Variants in CTNNA2 observed in about 807,000 individuals in gnomAD.
CTNNA2 encodes the protein catenin alpha 2, also known as catenin alpha-2.
Under a neutral mutation model 101.0 loss-of-function variants are expected in CTNNA2, and 42 were observed. That is an observed-to-expected ratio of 0.42 (90% CI 0.32 to 0.54). CTNNA2 has a LOEUF of 0.54. Ranked by LOEUF, CTNNA2 falls within the 20% of genes least tolerant of loss-of-function variation. The pLI is 0.14. For synonymous variants in CTNNA2, 450 were observed against 456.4 expected (o/e 0.99, Z 0.18); for missense variants, 871 against 1,223.1 (o/e 0.71, Z 4.29).
At chr2:79,688,456 A>G (rs1290278090) in intron 2 of CTNNA2, among the ~76,000 whole-genome samples, 1 of 152,004 alleles carries the variant, frequency 6.6e-6, no homozygotes, top group African/African-American at 2.4e-5. Context: ...AACTTTTGGA[A>G]ATTAAAAATA....
chr2:79,588,110 C>T (rs187499673), intron 1 of CTNNA2, among the ~76,000 whole-genome samples: 2 of 152,284 alleles, frequency 1.3e-5, no homozygotes, highest in Admixed American at 6.5e-5. Flanking sequence ...CTAAGATGAA[C>T]ATATTCACAC....
chr2:79,661,613 T>C (rs948853469), intron 2 of CTNNA2, among the ~76,000 whole-genome samples: 2 of 152,214 alleles, frequency 1.3e-5, no homozygotes, highest in African/African-American at 4.8e-5. Context: ...TCTAAGATGC[T>C]GGACTAGATT....
chr2:80,626,443 G>A (rs1346611231), intron 18 of CTNNA2, among the ~76,000 whole-genome samples: 1 of 152,000 alleles, frequency 6.6e-6, no homozygotes, highest in African/African-American at 2.4e-5. Flanking sequence ...CTCTAAGGAG[G>A]CTTCCTGGAA....
chr2:79,981,700 C>T (rs994537246), intron 7 of CTNNA2, among the ~76,000 whole-genome samples: 1 of 152,058 alleles, frequency 6.6e-6, no homozygotes, highest in African/African-American at 2.4e-5. Flanking sequence ...GCAATTTTAT[C>T]GAGCAAAAGC....
At chr2:79,634,659 C>T (rs186689315) in intron 1 of CTNNA2, 4 of 152,214 alleles carry the variant, frequency 2.6e-5, no homozygotes, top group African/African-American at 9.6e-5. Context: ...CTGAACAGGT[C>T]AAGAAGTGAT....
intron 3 of CTNNA2, among the ~76,000 whole-genome samples, chr2:79,833,129 T>C (rs1679053632): frequency 1.3e-5 from 2 of 152,194 alleles, no homozygotes; most frequent in East Asian, 1.9e-4. Context: ...ATTTTGAGAA[T>C]TTCCTCAAAA....
intron 3 of CTNNA2, among the ~76,000 whole-genome samples, chr2:79,776,772 C>G (rs954795024): frequency 6.6e-6 from 1 of 152,060 alleles, no homozygotes; most frequent in African/African-American, 2.4e-5. Flanking sequence ...AATTATGGAG[C>G]CTAGGAGATA....
At chr2:80,220,234 T>TG (rs1204352113) in intron 7 of CTNNA2, among the ~76,000 whole-genome samples, 4 of 152,216 alleles carry the variant, frequency 2.6e-5, no homozygotes. Context: ...GCTTGATACT[T>TG]GGAAAGAAGC....
chr2:80,259,486 T>C (rs1342250862), intron 7 of CTNNA2, among the ~76,000 whole-genome samples: 3 of 152,180 alleles, frequency 2.0e-5, no homozygotes. Flanking sequence ...TAGTGAGCTG[T>C]CATATATCCC....
Position 80,647,991 on chromosome 2 carries a change from G to T in CTNNA2, c.*119G>T, listed in dbSNP as rs751033802. 1 of 926,356 alleles carries T rather than the reference G, an allele frequency of 1.1e-6. No individual in the cohort carries two copies. 57.4% of individuals were successfully genotyped at this position (926,356 alleles called of 1,614,324 possible). On this transcript the variant is annotated 3_prime_UTR_variant, in exon 19 of 19. Coordinates refer to ENST00000402739, the MANE Select transcript of CTNNA2 (RefSeq NM_001282597.3). ...TGCCTCTGGCATGGGGAAATTAAGG[G>T]AACAGTGTCTGTTTGCATGTAAGAT...
At chr2:80,419,674 A>T in intron 9 of CTNNA2, 73 bp downstream of exon 9, 1 of 1,425,438 alleles carries the variant, frequency 7.0e-7, no homozygotes, top group Non-Finnish European at 9.6e-7. Flanking sequence ...TTAGAATTTC[A>T]CTAGAGAGAT....
intron 7 of CTNNA2, among the ~76,000 whole-genome samples, chr2:80,386,563 A>T (rs2149356925): frequency 6.6e-6 from 1 of 152,296 alleles, no homozygotes; most frequent in East Asian, 1.9e-4. Context: ...TTGGATCAAT[A>T]GATAATTTTT....
intron 1 of CTNNA2, among the ~76,000 whole-genome samples, chr2:79,600,234 G>C (rs898147690): frequency 1.3e-5 from 2 of 151,866 alleles, no homozygotes; most frequent in African/African-American, 4.8e-5. Flanking sequence ...GGAGTGCTGG[G>C]GCATGATCTC....
intron 9 of CTNNA2, among the ~76,000 whole-genome samples, chr2:80,450,214 T>G (rs1683385355): frequency 6.6e-6 from 1 of 152,218 alleles, no homozygotes; most frequent in Non-Finnish European, 1.5e-5. Context: ...TTCATAATTA[T>G]AGGAGTATCC....
chr2:79,508,629 G>T (rs895139749), upstream of CTNNA2, among the ~76,000 whole-genome samples: 1 of 152,072 alleles, frequency 6.6e-6, no homozygotes, highest in African/African-American at 2.4e-5. Context: ...TTGACTCATT[G>T]ATATTAGAAG....
At position 80,061,226 on chromosome 2, in the gene CTNNA2, G is replaced by C. The variant is rs78822892; in HGVS notation, c.1056+151429G>C. ...AGAATATTTCATGACATAGAAAAAT[G>C]CTCAAGTTAATGAAGTAAATACAAA... On this transcript the variant is annotated intron_variant, in intron 7 of 18. Coordinates refer to ENST00000402739, the MANE Select transcript of CTNNA2 (RefSeq NM_001282597.3). 7.6e-3 allele frequency among the ~76,000 whole-genome samples: 1,160 copies of C among 152,182 alleles called. 10 individuals carry two copies. The highest frequency in any genetic ancestry group is 0.021 in the African/African-American group (853 of 41,534).
At chr2:79,573,531 A>G (rs963731688) in intron 1 of CTNNA2, among the ~76,000 whole-genome samples, 9 of 152,256 alleles carry the variant, frequency 5.9e-5, no homozygotes, top group Non-Finnish European at 7.3e-5. Context: ...CATTAGCAGC[A>G]TGCTGCTATT....
chr2:79,362,738 T>C (rs1222930280), intron 3 of CTNNA2, among the ~76,000 whole-genome samples: 1 of 152,180 alleles, frequency 6.6e-6, no homozygotes, highest in African/African-American at 2.4e-5. Context: ...CCATCAGCTG[T>C]GGTGACCCCA....
intron 7 of CTNNA2, among the ~76,000 whole-genome samples, chr2:80,232,275 T>C (rs1001238155): frequency 4.6e-5 from 7 of 150,654 alleles, no homozygotes; most frequent in African/African-American, 1.5e-4. Flanking sequence ...ATCGTCCTCA[T>C]ATTTGACTTG....
Sources: allele counts gnomAD v4.1 joint callset (sites outside exome capture counted in the v4.1 genomes callset), GRCh38; gene constraint gnomAD v4.1.1; transcripts MANE v1.5; gene names NCBI Gene and HGNC (gene_info 2026-07-23, HGNC 2026-07-21).